MAF: variants seen among roughly 807,000 people sequenced by gnomAD.
MAF encodes the protein MAF bZIP transcription factor.
Under a neutral mutation model 22.0 loss-of-function variants are expected in MAF, and 10 were observed. The observed-to-expected ratio is 0.45, with a 90% CI of 0.28 to 0.77. The LOEUF (loss-of-function observed/expected upper bound fraction) is 0.77. Ranked by LOEUF, MAF falls within the 30% of genes least tolerant of loss-of-function variation. The pLI is 0.12. For missense variants in MAF, 544 were observed against 548.4 expected (o/e 0.99, Z 0.08); for synonymous variants, 337 against 255.8 (o/e 1.32, Z -3.03).
At chr16:79,290,706 C>T in the MAF span, among the ~76,000 whole-genome samples, 1 of 152,010 alleles carries the variant, frequency 6.6e-6, no homozygotes, top group Non-Finnish European at 1.5e-5. Flanking sequence ...CTGTCTGTTC[C>T]GTGCAACAGC....
the MAF span, among the ~76,000 whole-genome samples, chr16:79,561,622 C>T: frequency 3.3e-5 from 5 of 152,074 alleles, no homozygotes; most frequent in East Asian, 5.8e-4. Context: ...CAGCTTCATC[C>T]ATGTCCCTAC....
the MAF span, among the ~76,000 whole-genome samples, chr16:79,580,563 C>T: frequency 1.3e-5 from 2 of 152,132 alleles, no homozygotes; most frequent in African/African-American, 4.8e-5. Context: ...CAGGGGGCTT[C>T]GAAGGTCTGA....
At chr16:79,390,940 GC>G in the MAF span, among the ~76,000 whole-genome samples, 1 of 152,130 alleles carries the variant, frequency 6.6e-6, no homozygotes, top group Admixed American at 6.5e-5. Flanking sequence ...GGATTTCTGG[GC>G]TACTGTCTCT....
At chr16:79,392,012 A>C in the MAF span, among the ~76,000 whole-genome samples, 2 of 146,738 alleles carry the variant, frequency 1.4e-5, no homozygotes, top group East Asian at 4.2e-4. Flanking sequence ...GAGACAGAGT[A>C]AGGAAAGAGA....
At chr16:79,486,982 T>C in the MAF span, among the ~76,000 whole-genome samples, 1 of 152,176 alleles carries the variant, frequency 6.6e-6, no homozygotes, top group Non-Finnish European at 1.5e-5. Context: ...GCCCAGATTT[T>C]GTACAGCTTA....
chr16:79,421,316 A>G, the MAF span, among the ~76,000 whole-genome samples: 6 of 152,142 alleles, frequency 3.9e-5, no homozygotes, highest in East Asian at 9.6e-4. Context: ...CGTATCCACT[A>G]TTCTAGTATC....
chr16:79,232,577 T>A, the MAF span, among the ~76,000 whole-genome samples: 54 of 152,132 alleles, frequency 3.5e-4, no homozygotes, highest in Non-Finnish European at 7.1e-4. Flanking sequence ...TAGAAGGACA[T>A]TTCAGGCTTA....
chr16:79,598,389 T>C, intron 1 of MAF: 1 of 1,180,436 alleles, frequency 8.5e-7, no homozygotes, highest in African/African-American at 1.7e-5. Context: ...TGATCAACGT[T>C]TCACATGAAG....
At chr16:79,529,019 G>A in the MAF span, among the ~76,000 whole-genome samples, 3 of 152,246 alleles carry the variant, frequency 2.0e-5, no homozygotes, top group South Asian at 6.2e-4. Context: ...AGCTCGAGCT[G>A]TCAGGAGCTT....
chr16:79,332,376 C>A, the MAF span, among the ~76,000 whole-genome samples: 43 of 152,286 alleles, frequency 2.8e-4, no homozygotes, highest in African/African-American at 9.6e-4. Context: ...TCACATCTCA[C>A]CGCAAACTCC....
At chr16:79,297,674 A>T in the MAF span, among the ~76,000 whole-genome samples, 160 of 152,352 alleles carry the variant, frequency 1.1e-3, 1 homozygote, top group African/African-American at 3.8e-3. Flanking sequence ...CTCAGTAAAC[A>T]CTACCATTCT....
chr16:79,401,923 C>T, the MAF span, among the ~76,000 whole-genome samples: 104 of 152,268 alleles, frequency 6.8e-4, no homozygotes, highest in African/African-American at 2.3e-3. Flanking sequence ...TCAGTCAGCT[C>T]ATTTAATCTT....
rs1432963260 is a variant in MAF at position 79,598,630 on chromosome 16, T to G, written c.1118+155A>C. The stretch of plus-strand genomic sequence containing the variant: ...TGTGTGGTGTGTGCGTGCGGGTTTG[T>G]GTGTGTGTAGGGGGCCAAGGGGGCC... On this transcript the variant is annotated intron_variant, in intron 1 of 1. Coordinates refer to ENST00000326043, the MANE Select transcript of MAF (RefSeq NM_005360.5). The G allele has an allele frequency of 2.0e-6, 3 of 1,500,346 alleles. No homozygotes were observed. In the African/African-American group the frequency reaches 4.6e-5, roughly 23 times the overall value. The allele number at this position is 1,500,346 out of a possible 1,614,324, so 92.9% of individuals were successfully genotyped here.
the MAF span, among the ~76,000 whole-genome samples, chr16:79,535,462 G>C: frequency 3.3e-5 from 5 of 150,964 alleles, no homozygotes; most frequent in East Asian, 9.8e-4. Flanking sequence ...CAAGAGGTGT[G>C]TGAAAATATC....
chr16:79,520,487 G>C, the MAF span, among the ~76,000 whole-genome samples: 3 of 150,258 alleles, frequency 2.0e-5, no homozygotes, highest in African/African-American at 7.4e-5. Context: ...GTGTGTGTGC[G>C]TGTGTGTGTG....
the MAF span, among the ~76,000 whole-genome samples, chr16:79,322,204 G>C: frequency 6.6e-6 from 1 of 152,168 alleles, no homozygotes; most frequent in African/African-American, 2.4e-5. Context: ...CTGCACTCCA[G>C]CCTGGGCAAC....
the MAF span, chr16:79,229,541 A>C: frequency 6.6e-6 from 1 of 152,126 alleles, no homozygotes; most frequent in East Asian, 1.9e-4. Context: ...GAACAGCCCG[A>C]AGATGGGCTG....
At chr16:79,497,687 C>T in the MAF span, among the ~76,000 whole-genome samples, 3 of 152,186 alleles carry the variant, frequency 2.0e-5, no homozygotes, top group African/African-American at 7.2e-5. Flanking sequence ...GCACCTGGCA[C>T]AATCCTTGGC....
the MAF span, among the ~76,000 whole-genome samples, chr16:79,476,987 T>G: frequency 6.6e-6 from 1 of 152,086 alleles, no homozygotes; most frequent in Non-Finnish European, 1.5e-5. Context: ...GAAGGTCAAG[T>G]GCCATCCACA....
Sources: allele counts gnomAD v4.1 joint callset (sites outside exome capture counted in the v4.1 genomes callset), GRCh38; gene constraint gnomAD v4.1.1; transcripts MANE v1.5; gene names NCBI Gene and HGNC (gene_info 2026-07-23, HGNC 2026-07-21).